Variants in CCDC88B observed in about 807,000 individuals in gnomAD.
The protein encoded by CCDC88B is coiled-coil and HOOK domain protein 88B.
A neutral mutation model predicts 183.7 loss-of-function variants in CCDC88B; 138 were observed. The ratio of observed to expected loss-of-function variants is 0.75; its 90% CI spans 0.65 to 0.87. The LOEUF (loss-of-function observed/expected upper bound fraction) is 0.87. Among genes scored for constraint, CCDC88B ranks in the 40% least tolerant of loss-of-function variants. The pLI, the probability that CCDC88B is intolerant of heterozygous loss-of-function variation, is 0.00. For missense variants in CCDC88B, 1,822 were observed against 1,965.6 expected (o/e 0.93, Z 1.38); for synonymous variants, 835 against 867.5 (o/e 0.96, Z 0.66).
At chr11:64,348,901 C>A in intron 14 of CCDC88B, 1 of 672,758 alleles carries the variant, frequency 1.5e-6, no homozygotes, top group Non-Finnish European at 2.8e-6. Context: ...TCCCTCCAGC[C>A]CTCCGTGGCC....
Position 64,342,390 on chromosome 11 carries a change from T to C in CCDC88B, c.903+15T>C, listed in dbSNP as rs1189841356. 1 of 1,567,030 alleles carries C rather than the reference T, an allele frequency of 6.4e-7. No individual in the cohort carries two copies. On this transcript the variant is annotated intron_variant, in intron 9 of 26. Transcript: ENST00000356786. ...TCCGCCAGGAGGTGCGCTCACATGC[T>C]CCCCGCCACCGCGGCATTCCCTAAC...
intron 13 of CCDC88B, 33 bp from the exon 14 acceptor site, chr11:64,343,964 C>G: frequency 6.4e-7 from 1 of 1,562,322 alleles, no homozygotes; most frequent in Non-Finnish European, 8.7e-7. Context: ...TAGTCCCTCC[C>G]TGGGCCTGAC....
At chr11:64,355,081 T>C (rs1477774445) in intron 24 of CCDC88B, 113 bp from the exon 25 acceptor site, 6 of 365,268 alleles carry the variant, frequency 1.6e-5, no homozygotes, top group African/African-American at 4.0e-5. Flanking sequence ...TCCCCTTGTC[T>C]GACCCCCTCC....
chr11:64,356,789 C>A, intron 26 of CCDC88B: 1 of 501,164 alleles, frequency 2.0e-6, no homozygotes. Context: ...AACTGGGGTG[C>A]TGGGGTGGGC....
In CCDC88B at chr11:64,353,501, G is replaced by T; in HGVS notation, c.3833+5G>T. The T allele has an allele frequency of 1.9e-6, 3 of 1,610,326 alleles. No individual in the cohort carries two copies. Among genetic ancestry groups the T allele is most frequent in the Non-Finnish European group, 2.5e-6 (3 of 1,179,266 alleles). On this transcript the variant is annotated splice_donor_5th_base_variant and intron_variant, in intron 22 of 26. Coordinates refer to ENST00000356786, the MANE Select transcript of CCDC88B (RefSeq NM_032251.6). Reference sequence around the variant, plus strand: ...CCGCGAACAGCGGGAGTACCTGTGAGTGGGCCGCCTGGGAGCGGGGTGGGG... The same window carrying T: ...CCGCGAACAGCGGGAGTACCTGTGATTGGGCCGCCTGGGAGCGGGGTGGGG...
chr11:64,342,621 G>T lies in CCDC88B; in HGVS notation c.1003G>T (p.Glu335Ter), dbSNP rs559011810. ...RAGRLPRLQE[E>*]LRRCRERLQA... ...CGGCCGCCTGCCCCGCCTGCAGGAG[G>T]AGCTGAGGCGCTGCCGCGAGCGGCT... is the stretch of plus-strand genomic sequence containing the variant. Residue 335 changes from glutamate to a stop codon, truncating the protein, a stop_gained, in exon 10 of 27, where the codon GAG becomes TAG. Transcript: ENST00000356786. LOFTEE classifies it high-confidence loss of function. The T allele has an allele frequency of 8.6e-5, 131 of 1,528,882 alleles. No individual in the cohort carries two copies. In the Middle Eastern group the frequency reaches 9.0e-4, roughly 11 times the overall value. The allele number at this position is 1,528,882 out of a possible 1,614,324, so 94.7% of individuals were successfully genotyped here. A position where few individuals can be genotyped will look rare whatever the true frequency, so the allele number is the denominator to read the frequency against.
chr11:64,340,279 A>C lies in CCDC88B; in HGVS notation c.13A>C (p.Lys5Gln). ...CCCCGACCCGGGCATGGAGGGGGGC[A>C]AGGGGCCCAGGCTCAGAGACTTCCT... MEGG[K>Q]GPRLRDFLSG... The change falls in exon 1 of 27, where the codon AAG becomes CAG. Residue 5 changes from lysine (K) to glutamine (Q), a missense_variant. Transcript: ENST00000356786. The C allele has an allele frequency of 1.6e-6, 2 of 1,266,986 alleles. No homozygotes were observed. Among genetic ancestry groups the C allele is most frequent in the Non-Finnish European group, 1.0e-6 (1 of 997,396 alleles). 78.5% of individuals were successfully genotyped at this position (1,266,986 alleles called of 1,614,324 possible).
Position 64,340,295 on chromosome 11 carries a change from G to A in CCDC88B, c.29G>A (p.Arg10Lys). The change falls in exon 1 of 27, where the codon AGA (arginine) becomes AAA (lysine). Residue 10 changes from arginine (R) to lysine (K), a missense_variant. By Grantham distance (26) the Arg-to-Lys change is conservative (BLOSUM62 2). Transcript: ENST00000356786. Reference protein sequence around the residue: MEGGKGPRLRDFLSGSLATW... With the variant: MEGGKGPRLKDFLSGSLATW... ...GAGGGGGGCAAGGGGCCCAGGCTCAGAGACTTCCTGAGTGGGAGTCTGGCT... is the reference window on the plus strand; with the variant it reads ...GAGGGGGGCAAGGGGCCCAGGCTCAAAGACTTCCTGAGTGGGAGTCTGGCT... 1 of 1,282,980 alleles carries A rather than the reference G, an allele frequency of 7.8e-7. No homozygotes were observed. The highest frequency in any genetic ancestry group is 2.9e-5 in the South Asian group (1 of 33,946). 79.5% of individuals were successfully genotyped at this position (1,282,980 alleles called of 1,614,324 possible). A position where few individuals can be genotyped will look rare whatever the true frequency, so the allele number is the denominator to read the frequency against.
intron 3 of CCDC88B, 34 bp downstream of exon 3, chr11:64,341,052 G>A (rs756300663): frequency 8.7e-6 from 14 of 1,613,534 alleles, no homozygotes; most frequent in African/African-American, 1.3e-5. Context: ...GGAGACAGGA[G>A]GGGAAGAGGA....
chr11:64,355,225 C>G lies in CCDC88B; in HGVS notation c.4131C>G (p.Ala1377=). 6.6e-7 allele frequency: 1 copy of G among 1,512,400 alleles called. No homozygotes were observed. Among genetic ancestry groups the G allele is most frequent in the Non-Finnish European group, 8.8e-7 (1 of 1,133,276 alleles). 93.7% of individuals were successfully genotyped at this position (1,512,400 alleles called of 1,614,324 possible). A position where few individuals can be genotyped will look rare whatever the true frequency, so the allele number is the denominator to read the frequency against. Residue 1377 remains alanine, a synonymous_variant, in exon 25 of 27, where the codon GCC becomes GCG. Coordinates refer to ENST00000356786, the MANE Select transcript of CCDC88B (RefSeq NM_032251.6). The stretch of plus-strand genomic sequence containing the variant: ...CTTCCCCGGCACCCATGCGCCGGGC[C>G]CAGAGCTCCCTCTGCCTGCGGGATG... ...GSPSPAPMRR[A]QSSLCLRDET...
intron 16 of CCDC88B, 115 bp from the exon 17 acceptor site, chr11:64,351,045 C>A: frequency 1.5e-6 from 1 of 645,434 alleles, no homozygotes; most frequent in Non-Finnish European, 2.5e-6. Flanking sequence ...GGGATTGGGG[C>A]GGGGTGGACT....
chr11:64,352,868 C>T lies in CCDC88B; in HGVS notation c.3481C>T (p.Leu1161Phe). ...GGGCCTGGAGGAGGAGCTGCGGAGG[C>T]TTCAGAGCGAGCACGACAGGTGCCG... ...QRGLEEELRR[L>F]QSEHDRAQML... Residue 1161 changes from leucine (L) to phenylalanine (F), a missense_variant, in exon 20 of 27, where the codon CTT becomes TTT. Leu to Phe is a conservative substitution (Grantham distance 22). Transcript: ENST00000356786. 6.2e-7 allele frequency: 1 copy of T among 1,602,702 alleles called. No individual in the cohort carries two copies.
In CCDC88B at chr11:64,345,028, G is replaced by A. The variant is rs1161737268; in HGVS notation, c.2487G>A (p.Glu829=). The change falls in exon 14 of 27, where the codon GAG becomes GAA. Residue 829 remains glutamate, a synonymous_variant. Transcript: ENST00000356786. Reference sequence around the variant, plus strand: ...CGGGCCGGGAGCGGAGGCAGTGGGAGCGTGAGGGGTCCAGGCTGCGGGCCC... The same window carrying A: ...CGGGCCGGGAGCGGAGGCAGTGGGAACGTGAGGGGTCCAGGCTGCGGGCCC... ...AAAGRERRQW[E]REGSRLRAQS... The A allele has an allele frequency of 7.1e-6, 11 of 1,548,130 alleles. No homozygotes were observed. In the Admixed American group the frequency reaches 7.8e-5, roughly 11 times the overall value.
rs148469170 is a variant in CCDC88B at position 64,342,073 on chromosome 11, C to T, written c.755C>T (p.Pro252Leu). The T allele has an allele frequency of 9.9e-4, 1,590 of 1,611,658 alleles. 3 individuals are homozygous for T. The highest frequency in any genetic ancestry group is 1.3e-3 in the Non-Finnish European group (1,507 of 1,179,430). ...EAPSRAPAEG[P>L]SHHLALQLAN... Reference sequence around the variant, plus strand: ...CCCTCTAGGGCTCCCGCCGAGGGCCCCTCGCACCATCTGGCCCTGCAGCTG... The same window carrying T: ...CCCTCTAGGGCTCCCGCCGAGGGCCTCTCGCACCATCTGGCCCTGCAGCTG... Residue 252 changes from proline to leucine, a missense_variant, in exon 8 of 27, where the codon CCC (proline) becomes CTC (leucine). By Grantham distance (98) the Pro-to-Leu change is moderately conservative. Coordinates refer to ENST00000356786, the MANE Select transcript of CCDC88B (RefSeq NM_032251.6).
rs780487995 is a variant in CCDC88B, at chr11:64,345,179, C to T, written c.2616+22C>T. On this transcript the variant is annotated intron_variant, in intron 14 of 26. Coordinates refer to ENST00000356786, the MANE Select transcript of CCDC88B (RefSeq NM_032251.6). ...GGCGGTAGGTCAGGTTGGGGCTCAC[C>T]GCTGGGGTTGGGAAGCAGAGTTCCA... The T allele has an allele frequency of 2.9e-5, 45 of 1,533,826 alleles. 1 individual carries two copies. In the South Asian group the frequency reaches 3.0e-4, roughly 10 times the overall value.
In CCDC88B at chr11:64,343,851, TGA is replaced by T. The variant is rs1384608408; in HGVS notation, c.1396_1397del (p.Arg466GlyfsTer80). ...CAGAGGCTGGGCGGCTTCGGACCCTTGAGAGGGAGAACCGGGAGCTTCGGGGG... is the reference window on the plus strand; with the variant it reads ...CAGAGGCTGGGCGGCTTCGGACCCTTGAGGGAGAACCGGGAGCTTCGGGGG... ...EAEAGRLRTL[E>X]RENRELRGLL... On this transcript the variant is annotated frameshift_variant, in exon 13 of 27. Coordinates refer to ENST00000356786, the MANE Select transcript of CCDC88B (RefSeq NM_032251.6). LOFTEE classifies it high-confidence loss of function. 1.2e-6 allele frequency: 2 copies of T among 1,603,104 alleles called. No homozygotes were observed. Among genetic ancestry groups the T allele is most frequent in the Middle Eastern group, 1.9e-4 (1 of 5,254 alleles).
Position 64,352,798 on chromosome 11 carries a change from G to C in CCDC88B, c.3411G>C (p.Leu1137=). The C allele has an allele frequency of 1.9e-6, 3 of 1,613,434 alleles. No homozygotes were observed. The highest frequency in any genetic ancestry group is 2.5e-6 in the Non-Finnish European group (3 of 1,179,964). Residue 1137 remains leucine (L), a synonymous_variant, in exon 20 of 27, where the codon CTG becomes CTC. Transcript: ENST00000356786. ...RASVEAQEVA[L]LAERERLMQD... is the part of the protein sequence containing the mutation. ...GCGTGGAGGCACAGGAGGTGGCCCTGCTGGCAGAGCGTGAACGCCTGATGC... is the reference window on the plus strand; with the variant it reads ...GCGTGGAGGCACAGGAGGTGGCCCTCCTGGCAGAGCGTGAACGCCTGATGC...
At chr11:64,347,453 A>G (rs898481566) in intron 14 of CCDC88B, among the ~76,000 whole-genome samples, 1 of 152,220 alleles carries the variant, frequency 6.6e-6, no homozygotes. Flanking sequence ...CTGTACAGAC[A>G]AGGACCCTGA....
chr11:64,343,964 C>A, intron 13 of CCDC88B, 33 bp from the exon 14 acceptor site: 1 of 1,562,318 alleles, frequency 6.4e-7, no homozygotes, highest in Non-Finnish European at 8.7e-7. Flanking sequence ...TAGTCCCTCC[C>A]TGGGCCTGAC....
Sources: gnomAD v4.1 joint callset for allele counts (sites outside exome capture counted in the v4.1 genomes callset) on GRCh38, gnomAD v4.1.1 for gene constraint, MANE v1.5 for transcripts, NCBI Gene and HGNC (gene_info 2026-07-23, HGNC 2026-07-21) for gene names.